Variants in NRXN3 observed in about 807,000 individuals in gnomAD.
The protein encoded by NRXN3 is neurexin 3.
NRXN3 carries 32 observed loss-of-function variants against 137.6 expected under a neutral mutation model. The observed-to-expected ratio is 0.23, with a 90% CI of 0.18 to 0.31. NRXN3 has a LOEUF of 0.31. Among genes scored for constraint, NRXN3 ranks in the 10% least tolerant of loss-of-function variants. The probability of loss-of-function intolerance (pLI) is 1.00; values close to 1 mark genes in which losing one functional copy is unlikely to be tolerated. For missense variants in NRXN3, 1,574 were observed against 2,062.5 expected, an observed-to-expected ratio of 0.76 and a Z score of 4.59; for synonymous variants, 798 against 784.5, an observed-to-expected ratio of 1.02 and a Z score of -0.29.
intron 15 of NRXN3, among the ~76,000 whole-genome samples, chr14:79,405,789 A>G (rs181358740): frequency 2.0e-5 from 3 of 152,244 alleles, no homozygotes; most frequent in African/African-American, 7.2e-5. Flanking sequence ...TTCATACTTT[A>G]TGAGGGAACC....
At chr14:79,297,599 T>C (rs1185682601) in intron 15 of NRXN3, among the ~76,000 whole-genome samples, 2 of 152,110 alleles carry the variant, frequency 1.3e-5, no homozygotes, top group African/African-American at 4.8e-5. Flanking sequence ...TGGCAGCGCA[T>C]GTAGGCTGAA....
At chr14:79,057,436 C>T (rs1395384892) in intron 15 of NRXN3, among the ~76,000 whole-genome samples, 2 of 152,094 alleles carry the variant, frequency 1.3e-5, no homozygotes, top group Non-Finnish European at 2.9e-5. Context: ...ATAAATGTGC[C>T]ACTTCATATT....
At chr14:79,231,706 T>G (rs79476123) in intron 15 of NRXN3, among the ~76,000 whole-genome samples, 1 of 152,282 alleles carries the variant, frequency 6.6e-6, no homozygotes, top group African/African-American at 2.4e-5. Context: ...AGGAAGAACA[T>G]CTCAATTTTG....
chr14:79,323,225 A>G (rs1182248309), intron 15 of NRXN3, among the ~76,000 whole-genome samples: 2 of 152,094 alleles, frequency 1.3e-5, no homozygotes, highest in Non-Finnish European at 2.9e-5. Flanking sequence ...TATTTTTAGT[A>G]GCAACAAGCT....
intron 4 of NRXN3, among the ~76,000 whole-genome samples, chr14:78,534,635 T>C (rs139817546): frequency 3.9e-4 from 60 of 152,344 alleles, no homozygotes; most frequent in African/African-American, 1.4e-3. Flanking sequence ...AGAACGCTTT[T>C]AGTCTCTCTC....
rs2097630111 is a variant in NRXN3, at chr14:79,573,354, TG to T, written c.3445-90418del. On this transcript the variant is annotated intron_variant, in intron 16 of 20. Coordinates refer to ENST00000335750, the MANE Select transcript of NRXN3 (RefSeq NM_001330195.2). ...CACAGAATGGTAGAGAGGTGGGAGG[TG>T]GGGGGACGGGAGAGTACGCAGCTCT... 1.3e-5 allele frequency among the ~76,000 whole-genome samples: 2 copies of T among 151,464 alleles called. 1 individual carries two copies. The highest frequency in any genetic ancestry group is 4.2e-4 in the South Asian group (2 of 4,766).
At chr14:79,632,885 A>G (rs957852425) in intron 16 of NRXN3, among the ~76,000 whole-genome samples, 1 of 152,184 alleles carries the variant, frequency 6.6e-6, no homozygotes, top group South Asian at 2.1e-4. Context: ...ACTTTAACAT[A>G]TACAGCTTTT....
At chr14:79,304,325 A>T (rs1393009817) in intron 15 of NRXN3, among the ~76,000 whole-genome samples, 1 of 152,064 alleles carries the variant, frequency 6.6e-6, no homozygotes, top group South Asian at 2.1e-4. Context: ...GGCTTGGTCT[A>T]AGAGGTTGTG....
intron 4 of NRXN3, among the ~76,000 whole-genome samples, chr14:78,473,027 C>A (rs1006235104): frequency 2.6e-5 from 4 of 151,382 alleles, no homozygotes; most frequent in Non-Finnish European, 1.5e-5. Context: ...ACTCCCCTGG[C>A]AAGTAGAGAG....
intron 8 of NRXN3, among the ~76,000 whole-genome samples, chr14:78,717,860 T>C (rs1436444332): frequency 6.6e-6 from 1 of 152,204 alleles, no homozygotes; most frequent in Non-Finnish European, 1.5e-5. Flanking sequence ...ATGTGGTTAA[T>C]GTTATGGCAG....
chr14:78,804,354 C>T (rs2098848416), intron 9 of NRXN3, among the ~76,000 whole-genome samples: 1 of 152,220 alleles, frequency 6.6e-6, no homozygotes, highest in Non-Finnish European at 1.5e-5. Context: ...TCTCCTTTGA[C>T]TTTCTCCTAG....
At chr14:79,473,717 G>GGTT (rs1407589776) in intron 16 of NRXN3, among the ~76,000 whole-genome samples, 3 of 148,022 alleles carry the variant, frequency 2.0e-5, no homozygotes, top group Non-Finnish European at 4.5e-5. Flanking sequence ...GTGCACTGCA[G>GGTT]GTTGACTCCG....
intron 15 of NRXN3, among the ~76,000 whole-genome samples, chr14:79,274,139 C>T (rs2079886918): frequency 6.6e-6 from 1 of 150,702 alleles, no homozygotes; most frequent in Admixed American, 6.6e-5. Context: ...ATCTTGGCCA[C>T]GTTTTCACAG....
At chr14:79,321,973 A>G (rs1426322376) in intron 15 of NRXN3, among the ~76,000 whole-genome samples, 1 of 151,782 alleles carries the variant, frequency 6.6e-6, no homozygotes, top group East Asian at 1.9e-4. Context: ...ATAGTGGCTC[A>G]TCATGCCTGT....
intron 1 of NRXN3, among the ~76,000 whole-genome samples, chr14:78,229,505 T>TA (rs1397648320): frequency 6.6e-6 from 1 of 152,144 alleles, no homozygotes; most frequent in African/African-American, 2.4e-5. Context: ...CCAGATCTGG[T>TA]ATTCCTCATC....
chr14:78,367,509 C>A (rs7157002), intron 4 of NRXN3, among the ~76,000 whole-genome samples: 1 of 152,208 alleles, frequency 6.6e-6, no homozygotes, highest in Non-Finnish European at 1.5e-5. Context: ...CAATTCACAA[C>A]CAACCAGCAT....
At chr14:78,570,587 C>A (rs887048620) in intron 4 of NRXN3, among the ~76,000 whole-genome samples, 3 of 152,162 alleles carry the variant, frequency 2.0e-5, no homozygotes, top group African/African-American at 7.2e-5. Flanking sequence ...GGTGGCCAAG[C>A]AGTTCTCCAG....
At chr14:78,677,710 C>T (rs1175157508) in intron 6 of NRXN3, among the ~76,000 whole-genome samples, 3 of 152,122 alleles carry the variant, frequency 2.0e-5, no homozygotes, top group Non-Finnish European at 4.4e-5. Context: ...TGTCAAACAG[C>T]ATTACATGCT....
chr14:79,770,680 C>T (rs2099074471), intron 19 of NRXN3, among the ~76,000 whole-genome samples: 2 of 149,216 alleles, frequency 1.3e-5, no homozygotes, highest in African/African-American at 4.9e-5. Context: ...CAGGAAAGAT[C>T]CAAAATTGAC....
Sources: gnomAD v4.1 joint callset for allele counts (sites outside exome capture counted in the v4.1 genomes callset) on GRCh38, gnomAD v4.1.1 for gene constraint, MANE v1.5 for transcripts, NCBI Gene and HGNC (gene_info 2026-07-23, HGNC 2026-07-21) for gene names.